Variants in HDAC9 observed in about 807,000 individuals in gnomAD.
HDAC9 encodes histone deacetylase 9.
A neutral mutation model predicts 139.4 loss-of-function variants in HDAC9; 41 were observed. The observed-to-expected ratio is 0.29, with a 90% CI of 0.23 to 0.38. The LOEUF is 0.38. HDAC9 is among the 10% of genes least tolerant of loss of function. The pLI, the probability that HDAC9 is intolerant of heterozygous loss-of-function variation, is 1.00. For missense variants in HDAC9, 1,147 were observed against 1,297.0 expected, an observed-to-expected ratio of 0.88 and a Z score of 1.78; for synonymous variants, 517 against 476.2, an observed-to-expected ratio of 1.09 and a Z score of -1.12.
intron 23 of HDAC9, among the ~76,000 whole-genome samples, chr7:18,950,798 A>G (rs1016151728): frequency 6.6e-6 from 1 of 152,026 alleles, no homozygotes; most frequent in Non-Finnish European, 1.5e-5. Flanking sequence ...AATGAAAAAA[A>G]TAGAATTCAG....
intron 12 of HDAC9, among the ~76,000 whole-genome samples, chr7:18,670,846 G>T (rs1239429845): frequency 6.6e-6 from 1 of 151,368 alleles, no homozygotes; most frequent in Admixed American, 6.6e-5. Flanking sequence ...TATAAATTGT[G>T]AGATTAGTGA....
chr7:18,541,253 C>T (rs1277455392), intron 2 of HDAC9, among the ~76,000 whole-genome samples: 1 of 150,906 alleles, frequency 6.6e-6, no homozygotes, highest in African/African-American at 2.4e-5. Flanking sequence ...CACCTTGCCC[C>T]TTGCTAATAT....
At chr7:18,593,297 G>A (rs977249735) in intron 5 of HDAC9, among the ~76,000 whole-genome samples, 7 of 151,736 alleles carry the variant, frequency 4.6e-5, no homozygotes, top group African/African-American at 1.7e-4. Flanking sequence ...CTATTCTCCA[G>A]CAGCACAGTT....
intron 1 of HDAC9, among the ~76,000 whole-genome samples, chr7:18,304,040 G>C (rs1053712428): frequency 6.6e-6 from 1 of 152,226 alleles, no homozygotes; most frequent in African/African-American, 2.4e-5. Flanking sequence ...GCTTGATAGA[G>C]AGTCCCATAG....
At chr7:18,628,958 T>G (rs186269930) in intron 6 of HDAC9, among the ~76,000 whole-genome samples, 61 of 152,236 alleles carry the variant, frequency 4.0e-4, no homozygotes, top group African/African-American at 1.4e-3. Context: ...CTTTTAGTGG[T>G]TATTAAGTTT....
At chr7:18,340,067 C>T (rs943016322) in intron 1 of HDAC9, among the ~76,000 whole-genome samples, 6 of 151,436 alleles carry the variant, frequency 4.0e-5, no homozygotes, top group African/African-American at 9.7e-5. Context: ...GTGTTTGGAA[C>T]CTTTTTTATT....
intron 1 of HDAC9, among the ~76,000 whole-genome samples, chr7:18,298,564 T>G (rs1480342356): frequency 6.6e-6 from 1 of 152,326 alleles, no homozygotes; most frequent in East Asian, 1.9e-4. Context: ...GATAGTTTAC[T>G]GAGAATGATG....
intron 22 of HDAC9, among the ~76,000 whole-genome samples, chr7:18,893,030 G>A (rs1800821412): frequency 6.4e-5 from 1 of 15,740 alleles, no homozygotes; most frequent in Non-Finnish European, 1.8e-4. Flanking sequence ...TAGGTAATAG[G>A]CCGAAAAAAA....
intron 17 of HDAC9, among the ~76,000 whole-genome samples, chr7:18,797,451 A>G (rs1041439494): frequency 6.6e-6 from 1 of 152,224 alleles, no homozygotes; most frequent in Admixed American, 6.5e-5. Context: ...TAAGAATTGA[A>G]CTTTGCTCAC....
chr7:18,930,586 C>T (rs1375314575), intron 22 of HDAC9, among the ~76,000 whole-genome samples: 1 of 151,738 alleles, frequency 6.6e-6, no homozygotes, highest in Non-Finnish European at 1.5e-5. Context: ...TGTACAGTAA[C>T]AGTGGACACA....
intron 25 of HDAC9, among the ~76,000 whole-genome samples, chr7:18,990,997 C>T (rs1051452991): frequency 2.6e-5 from 4 of 152,240 alleles, no homozygotes; most frequent in Non-Finnish European, 4.4e-5. Flanking sequence ...GCAGAAATCA[C>T]CCGTCTTCTG....
At chr7:18,547,395 C>T (rs1815292055) in intron 2 of HDAC9, among the ~76,000 whole-genome samples, 2 of 152,192 alleles carry the variant, frequency 1.3e-5, no homozygotes, top group South Asian at 4.1e-4. Flanking sequence ...GCAACCCCGC[C>T]CGGCTAATCT....
At position 18,647,985 on chromosome 7, in the gene HDAC9, G is replaced by A. The variant is rs188800714; in HGVS notation, c.1236G>A (p.Lys412=). 6.2e-4 allele frequency: 1,003 copies of A among 1,607,062 alleles called. 12 individuals carry two copies. The African/African-American group carries it at 0.012, about 18-fold the overall frequency. Residue 412 remains lysine, a synonymous_variant, in exon 10 of 26, where the codon AAG becomes AAA. Coordinates refer to ENST00000686413, the MANE Select transcript of HDAC9 (RefSeq NM_178425.4). ...LLLKEQMRQQ[K]LLVAGGVPLH... ...TGAAAGAACAAATGCGACAGCAAAA[G>A]CTTCTTGTAGCTGGTAATTCATTAT...
intron 2 of HDAC9, among the ~76,000 whole-genome samples, chr7:18,552,811 T>C (rs1195261587): frequency 6.6e-6 from 1 of 152,202 alleles, no homozygotes; most frequent in Non-Finnish European, 1.5e-5. Flanking sequence ...ACACTGACTC[T>C]AGAGGTAAAC....
chr7:18,793,365 G>A lies in HDAC9; in HGVS notation c.2235G>A (p.Trp745Ter). The change falls in exon 17 of 26, where the codon TGG becomes TGA. Residue 745 changes from tryptophan to a stop codon, truncating the protein, a stop_gained. Transcript: ENST00000686413. LOFTEE classifies it high-confidence loss of function. ...GGLGVDSDTIWNELHSSGAAR... is the reference protein window; with the variant it reads ...GGLGVDSDTI ...CTCAGGTGGACAGTGACACCATTTG[G>A]AATGAGCTACACTCGTCCGGTGCTG... 6.3e-7 allele frequency: 1 copy of A among 1,578,852 alleles called. No individual in the cohort carries two copies. The highest frequency in any genetic ancestry group is 8.6e-7 in the Non-Finnish European group (1 of 1,162,116).
chr7:18,570,715 C>T (rs529402248), intron 2 of HDAC9, among the ~76,000 whole-genome samples: 5 of 152,128 alleles, frequency 3.3e-5, no homozygotes, highest in South Asian at 2.1e-4. Context: ...ATCCCAAGCA[C>T]GTCTACTCCA....
chr7:18,229,545 G>A (rs911795563), intron 2 of HDAC9, among the ~76,000 whole-genome samples: 3 of 152,174 alleles, frequency 2.0e-5, no homozygotes, highest in Non-Finnish European at 4.4e-5. Context: ...CATATGGACA[G>A]CAGCTGCCAA....
chr7:18,363,152 G>C (rs867526535), intron 1 of HDAC9, among the ~76,000 whole-genome samples: 1 of 152,112 alleles, frequency 6.6e-6, no homozygotes, highest in African/African-American at 2.4e-5. Context: ...TTTAAGGAAG[G>C]CTAGGATTTA....
chr7:18,646,986 CT>C (rs1176013358), intron 9 of HDAC9, among the ~76,000 whole-genome samples: 9 of 151,874 alleles, frequency 5.9e-5, no homozygotes, highest in Non-Finnish European at 1.3e-4. Context: ...ATATTTTTAC[CT>C]CCTTTCATTG....
Sources: allele counts gnomAD v4.1 joint callset (sites outside exome capture counted in the v4.1 genomes callset), GRCh38; gene constraint gnomAD v4.1.1; transcripts MANE v1.5; gene names NCBI Gene and HGNC (gene_info 2026-07-23, HGNC 2026-07-21).